The following ARHGEF12 variants were observed in gnomAD, a reference collection of about 807,000 sequenced individuals.
ARHGEF12 encodes Rho guanine nucleotide exchange factor 12.
Under a neutral mutation model 211.2 loss-of-function variants are expected in ARHGEF12, and 66 were observed. The ratio of observed to expected loss-of-function variants is 0.31; its 90% CI spans 0.26 to 0.38. The LOEUF (loss-of-function observed/expected upper bound fraction) is 0.38, where lower values mean the gene tolerates loss of function less well. Among genes scored for constraint, ARHGEF12 ranks in the 10% least tolerant of loss-of-function variants. ARHGEF12 has a pLI of 1.00. For synonymous variants in ARHGEF12, 592 were observed against 638.4 expected (o/e 0.93, Z 1.09); for missense variants, 1,429 against 1,869.5 (o/e 0.76, Z 4.34).
intron 12 of ARHGEF12, chr11:120,439,838 A>C: frequency 3.7e-6 from 1 of 266,868 alleles, no homozygotes; most frequent in Non-Finnish European, 7.0e-6. Flanking sequence ...GAAAGTGTTA[A>C]AGTCAGATAA....
intron 1 of ARHGEF12, among the ~76,000 whole-genome samples, chr11:120,348,556 C>T (rs892119923): frequency 6.6e-6 from 1 of 152,080 alleles, no homozygotes; most frequent in East Asian, 1.9e-4. Flanking sequence ...TACCGTTAGG[C>T]GGGGGCCAGG....
At chr11:120,396,911 T>G (rs1944407726) in intron 1 of ARHGEF12, among the ~76,000 whole-genome samples, 1 of 152,200 alleles carries the variant, frequency 6.6e-6, no homozygotes, top group African/African-American at 2.4e-5. Context: ...TAGGACTGCT[T>G]TCATGTTTAA....
At chr11:120,465,510 A>G in intron 28 of ARHGEF12, 148 bp downstream of exon 28, 2 of 1,019,958 alleles carry the variant, frequency 2.0e-6, no homozygotes, top group East Asian at 2.7e-5. Context: ...TGTGTTGCCC[A>G]GGCTGGAGTG....
chr11:120,434,974 GTCTC>G (rs927702570), intron 11 of ARHGEF12, among the ~76,000 whole-genome samples: 5 of 152,046 alleles, frequency 3.3e-5, no homozygotes, highest in East Asian at 1.9e-4. Context: ...TTATTAATAT[GTCTC>G]TCTCTAAGAG....
chr11:120,385,998 G>A (rs1311867080), intron 1 of ARHGEF12, among the ~76,000 whole-genome samples: 1 of 152,154 alleles, frequency 6.6e-6, no homozygotes, highest in Non-Finnish European at 1.5e-5. Context: ...TTTTTACAGA[G>A]TAACCTTCCT....
At position 120,441,759 on chromosome 11, in the gene ARHGEF12, C is replaced by T; in HGVS notation, c.1145C>T (p.Pro382Leu). 6.2e-7 allele frequency: 1 copy of T among 1,613,800 alleles called. No individual in the cohort carries two copies. The highest frequency in any genetic ancestry group is 8.5e-7 in the Non-Finnish European group (1 of 1,179,818). The change falls in exon 14 of 41, where the codon CCG becomes CTG. Residue 382 changes from proline (P) to leucine (L), a missense_variant. Transcript: ENST00000397843. The stretch of plus-strand genomic sequence containing the variant: ...AGCATTGAATTACTAAAATCTCGCC[C>T]GGCTCATTTGGCTGTTTTCTTACAC... ...FQSIELLKSR[P>L]AHLAVFLHHV...
intron 4 of ARHGEF12, among the ~76,000 whole-genome samples, chr11:120,413,298 T>C (rs374395227): frequency 5.6e-4 from 86 of 152,368 alleles, no homozygotes; most frequent in African/African-American, 1.9e-3. Context: ...GTACTGCCTT[T>C]TCCTAGGATT....
rs191468358 is a variant in ARHGEF12, at chr11:120,396,837, A to G, written c.33-9281A>G. Among the ~76,000 whole-genome samples the G allele has an allele frequency of 2.5e-3, 387 of 152,322 alleles. 3 individuals are homozygous for G. Among genetic ancestry groups the G allele is most frequent in the African/African-American group, 8.8e-3 (365 of 41,580 alleles). The stretch of plus-strand genomic sequence containing the variant: ...ATAAAGTCCCACAGGTATGGAAGTT[A>G]AGACTTCAGCATGTCTTTGGAGATA... On this transcript the variant is annotated intron_variant, in intron 1 of 40. Transcript: ENST00000397843.
intron 18 of ARHGEF12, 117 bp from the exon 19 acceptor site, chr11:120,447,757 A>G: frequency 3.1e-6 from 2 of 643,320 alleles, no homozygotes; most frequent in Admixed American, 3.5e-5. Flanking sequence ...CGGAGGTTGC[A>G]GTGAGCCAGG....
intron 1 of ARHGEF12, among the ~76,000 whole-genome samples, chr11:120,405,280 G>T (rs1280710064): frequency 3.9e-5 from 6 of 152,094 alleles, no homozygotes; most frequent in Admixed American, 6.5e-5. Flanking sequence ...GCCATAGGTT[G>T]AAATAATTTA....
chr11:120,445,595 A>G, intron 16 of ARHGEF12, 131 bp downstream of exon 16: 1 of 971,168 alleles, frequency 1.0e-6, no homozygotes, highest in Non-Finnish European at 1.6e-6. Flanking sequence ...GACAGTCTAT[A>G]ATACATTTAA....
chr11:120,382,564 C>CTGATTGTACCAAGTAATTTTCTGGAG (rs1943906391), intron 1 of ARHGEF12, among the ~76,000 whole-genome samples: 1 of 152,216 alleles, frequency 6.6e-6, no homozygotes, highest in East Asian at 1.9e-4. Flanking sequence ...ACAGCTTTAG[C>CTGATTGTACCAAGTAATTTTCTGGAG]TGATTGTACC....
intron 1 of ARHGEF12, among the ~76,000 whole-genome samples, chr11:120,382,131 A>G (rs1943894852): frequency 6.6e-6 from 1 of 152,206 alleles, no homozygotes; most frequent in Non-Finnish European, 1.5e-5. Context: ...CATTAGGAGT[A>G]AAGCTGCTGT....
chr11:120,446,540 A>T (rs750398438), intron 17 of ARHGEF12, 32 bp downstream of exon 17: 1 of 1,502,244 alleles, frequency 6.7e-7, no homozygotes, highest in Non-Finnish European at 9.1e-7. Flanking sequence ...ATTTCATATG[A>T]TTATTCTAAA....
intron 1 of ARHGEF12, among the ~76,000 whole-genome samples, chr11:120,380,022 A>G (rs1346700975): frequency 6.6e-6 from 1 of 152,142 alleles, no homozygotes; most frequent in African/African-American, 2.4e-5. Flanking sequence ...CAGATGTAGA[A>G]TTGTTATCTC....
intron 30 of ARHGEF12, 102 bp downstream of exon 30, chr11:120,469,490 T>C (rs900714194): frequency 5.4e-6 from 5 of 931,298 alleles, no homozygotes; most frequent in East Asian, 5.3e-5. Context: ...CATTACCTAA[T>C]GGACAGGGAG....
At chr11:120,457,505 G>T in intron 23 of ARHGEF12, 1 of 438,962 alleles carries the variant, frequency 2.3e-6, no homozygotes, top group Non-Finnish European at 3.9e-6. Flanking sequence ...AATAAGTTGG[G>T]TGCATAAAAG....
chr11:120,480,219 A>G lies in ARHGEF12; in HGVS notation c.4026A>G (p.Gly1342=). ...CTTTTGCTCCACGGGATTCAGTGGG[A>G]CTGGCACCCCAGGATAGCCAGGCAA... The part of the protein sequence containing the change: ...TESFAPRDSV[G]LAPQDSQASN... Residue 1342 remains glycine (G), a synonymous_variant, in exon 38 of 41, where the codon GGA becomes GGG. Transcript: ENST00000397843. 6.2e-7 allele frequency: 1 copy of G among 1,614,206 alleles called. No homozygotes were observed. The highest frequency in any genetic ancestry group is 8.5e-7 in the Non-Finnish European group (1 of 1,180,030).
chr11:120,400,461 A>T (rs1591544661), intron 1 of ARHGEF12, among the ~76,000 whole-genome samples: 1 of 152,216 alleles, frequency 6.6e-6, no homozygotes, highest in Non-Finnish European at 1.5e-5. Context: ...TGAGGATCTC[A>T]TACTTTCCTA....
Sources: allele counts gnomAD v4.1 joint callset (sites outside exome capture counted in the v4.1 genomes callset), GRCh38; gene constraint gnomAD v4.1.1; transcripts MANE v1.5; gene names NCBI Gene and HGNC (gene_info 2026-07-23, HGNC 2026-07-21).